Variants in RHBDD1 observed in about 807,000 individuals in gnomAD.
RHBDD1 encodes the protein rhomboid-related protein 4.
Under a neutral mutation model 36.3 loss-of-function variants are expected in RHBDD1, and 38 were observed. The observed-to-expected ratio is 1.05, with a 90% CI of 0.81 to 1.37. RHBDD1 has a LOEUF of 1.37. Ranked by LOEUF, RHBDD1 falls within the 40% of genes most tolerant of loss-of-function variation. The probability of loss-of-function intolerance (pLI) is 0.00; values close to 1 mark genes in which losing one functional copy is unlikely to be tolerated. For synonymous variants in RHBDD1, 151 were observed against 136.5 expected, an observed-to-expected ratio of 1.11 and a Z score of -0.74; for missense variants, 393 against 377.6, an observed-to-expected ratio of 1.04 and a Z score of -0.34.
chr2:226,876,886 T>C (rs1036084984), intron 5 of RHBDD1, among the ~76,000 whole-genome samples: 4 of 150,176 alleles, frequency 2.7e-5, no homozygotes, highest in Admixed American at 6.6e-5. Context: ...TATGAAAAAT[T>C]AATGTAGTTT....
chr2:226,940,295 C>A (rs1238292024), intron 8 of RHBDD1, among the ~76,000 whole-genome samples: 1 of 152,026 alleles, frequency 6.6e-6, no homozygotes, highest in Admixed American at 6.6e-5. Flanking sequence ...AAAAGTGACG[C>A]TTGAAAAAAG....
At chr2:226,802,614 T>TA in the RHBDD1 span, among the ~76,000 whole-genome samples, 13 of 152,214 alleles carry the variant, frequency 8.5e-5, no homozygotes, top group African/African-American at 3.1e-4. Flanking sequence ...TGTAATGAAA[T>TA]ACACTGTATG....
At chr2:226,947,113 C>T (rs373384309) in intron 8 of RHBDD1, among the ~76,000 whole-genome samples, 1 of 151,880 alleles carries the variant, frequency 6.6e-6, no homozygotes, top group Middle Eastern at 3.2e-3. Flanking sequence ...TTAATTAGAT[C>T]CCATTTGTCA....
the RHBDD1 span, among the ~76,000 whole-genome samples, chr2:226,828,367 A>G: frequency 6.6e-6 from 1 of 152,218 alleles, no homozygotes; most frequent in African/African-American, 2.4e-5. Context: ...ATTATGAATA[A>G]TGCTGTCATA....
intron 8 of RHBDD1, among the ~76,000 whole-genome samples, chr2:226,945,817 C>CT (rs1397822300): frequency 2.0e-5 from 3 of 152,292 alleles, no homozygotes; most frequent in African/African-American, 7.2e-5. Flanking sequence ...TCTCCAGCAT[C>CT]TGTTTTTTAC....
the RHBDD1 span, among the ~76,000 whole-genome samples, chr2:226,803,333 T>TGTGTGTGA: frequency 2.0e-5 from 3 of 147,666 alleles, no homozygotes; most frequent in African/African-American, 7.6e-5. Context: ...TGTGTGTGTG[T>TGTGTGTGA]GAGAGAGAGA....
At chr2:226,829,063 T>A in the RHBDD1 span, among the ~76,000 whole-genome samples, 2 of 152,188 alleles carry the variant, frequency 1.3e-5, no homozygotes, top group Non-Finnish European at 1.5e-5. Context: ...TGGAGTTAAT[T>A]GTTGTGCATT....
intron 8 of RHBDD1, among the ~76,000 whole-genome samples, chr2:226,994,836 A>G (rs1959053188): frequency 6.6e-6 from 1 of 152,224 alleles, no homozygotes; most frequent in South Asian, 2.1e-4. Flanking sequence ...CTTTTCAGTA[A>G]CGATTTCCAC....
At position 226,977,818 on chromosome 2, in the gene RHBDD1, T is replaced by C. The variant is rs1954873722; in HGVS notation, c.857-17613T>C. On this transcript the variant is annotated intron_variant, in intron 8 of 8. Coordinates refer to ENST00000392062, the MANE Select transcript of RHBDD1 (RefSeq NM_001167608.3). ...TTGGCCTATTGTTCTAAGTCTTGTCTTTGGAATGTAACAGTTGTACTTTTA... is the reference window on the plus strand; with the variant it reads ...TTGGCCTATTGTTCTAAGTCTTGTCCTTGGAATGTAACAGTTGTACTTTTA... 2.0e-5 allele frequency among the ~76,000 whole-genome samples: 3 copies of C among 152,242 alleles called. No individual in the cohort carries two copies. The South Asian group carries it at 6.2e-4, about 32-fold the overall frequency.
the RHBDD1 span, among the ~76,000 whole-genome samples, chr2:226,813,150 CTTGCAGGCA>C: frequency 3.9e-5 from 6 of 152,178 alleles, no homozygotes; most frequent in African/African-American, 1.4e-4. Flanking sequence ...ATTAGACTTC[CTTGCAGGCA>C]GTCTATCAGT....
chr2:226,865,617 A>G (rs1314321580), intron 4 of RHBDD1, among the ~76,000 whole-genome samples: 1 of 152,204 alleles, frequency 6.6e-6, no homozygotes, highest in Non-Finnish European at 1.5e-5. Flanking sequence ...TCGTGAGCCC[A>G]TCTTCAAGGC....
intron 5 of RHBDD1, among the ~76,000 whole-genome samples, chr2:226,872,451 A>G (rs1404583862): frequency 6.6e-6 from 1 of 152,122 alleles, no homozygotes; most frequent in Non-Finnish European, 1.5e-5. Context: ...GGTGGCTCAA[A>G]ATTAGTTTTC....
At chr2:226,902,024 A>G (rs1462661847) in intron 5 of RHBDD1, among the ~76,000 whole-genome samples, 1 of 152,176 alleles carries the variant, frequency 6.6e-6, no homozygotes, top group Non-Finnish European at 1.5e-5. Context: ...GTCCTGTCCC[A>G]GAAGGAATTA....
chr2:226,843,132 A>T (rs1330830144), intron 3 of RHBDD1, among the ~76,000 whole-genome samples: 1 of 152,162 alleles, frequency 6.6e-6, no homozygotes, highest in East Asian at 1.9e-4. Context: ...GTATCCTGAG[A>T]CTTTGCTGAA....
intron 3 of RHBDD1, among the ~76,000 whole-genome samples, chr2:226,844,676 G>A (rs193012449): frequency 1.4e-4 from 22 of 152,248 alleles, no homozygotes; most frequent in African/African-American, 4.8e-4. Context: ...ATCATGGGAC[G>A]CTGGCATTGC....
chr2:226,840,119 CACAT>C (rs1004479695), intron 3 of RHBDD1, among the ~76,000 whole-genome samples: 6 of 152,088 alleles, frequency 3.9e-5, no homozygotes, highest in African/African-American at 1.2e-4. Flanking sequence ...GTCTTTTTCA[CACAT>C]TGAAGAGGGT....
At chr2:226,868,482 T>G (rs749716099) in intron 5 of RHBDD1, among the ~76,000 whole-genome samples, 2 of 152,228 alleles carry the variant, frequency 1.3e-5, no homozygotes, top group African/African-American at 2.4e-5. Flanking sequence ...TCCACCAGCT[T>G]CACTTTCCTT....
intron 8 of RHBDD1, among the ~76,000 whole-genome samples, chr2:226,924,712 C>T (rs1283144593): frequency 3.9e-5 from 6 of 152,194 alleles, no homozygotes; most frequent in Non-Finnish European, 7.3e-5. Flanking sequence ...GGGCAATTCC[C>T]CTCTGGCCTA....
At chr2:226,907,870 G>A (rs546408673) in intron 6 of RHBDD1, among the ~76,000 whole-genome samples, 1 of 152,026 alleles carries the variant, frequency 6.6e-6, no homozygotes, top group Non-Finnish European at 1.5e-5. Context: ...CAGTTTTATT[G>A]TATTTTCAAT....
Sources: allele counts gnomAD v4.1 joint callset (sites outside exome capture counted in the v4.1 genomes callset), GRCh38; gene constraint gnomAD v4.1.1; transcripts MANE v1.5; gene names NCBI Gene and HGNC (gene_info 2026-07-23, HGNC 2026-07-21).